The following PRXL2C variants were observed in gnomAD, a reference collection of about 807,000 sequenced individuals.
The protein encoded by PRXL2C is peroxiredoxin like 2C.
A neutral mutation model predicts 24.9 loss-of-function variants in PRXL2C; 38 were observed. The ratio of observed to expected loss-of-function variants is 1.53; its 90% confidence interval spans 1.18 to 2.00. The LOEUF (loss-of-function observed/expected upper bound fraction) is 2.00, where lower values mean the gene tolerates loss of function less well. Among genes scored for constraint, PRXL2C ranks in the 30% most tolerant of loss-of-function variants. The probability of loss-of-function intolerance (pLI) is 0.00; values close to 1 mark genes in which losing one functional copy is unlikely to be tolerated. For synonymous variants in PRXL2C, 98 were observed against 117.2 expected (o/e 0.84, Z 1.06); for missense variants, 294 against 290.9 (o/e 1.01, Z -0.08).
In PRXL2C at chr9:96,640,405, A is replaced by T. The variant is rs1026920381; in HGVS notation, c.*1354T>A. ...TATGGTGGCGGGTGCCTGTAATCCCAGCTACTTGGGAGGCTGAGGCAGAAT... is the reference window on the plus strand; with the variant it reads ...TATGGTGGCGGGTGCCTGTAATCCCTGCTACTTGGGAGGCTGAGGCAGAAT... On this transcript the variant is annotated 3_prime_UTR_variant, in exon 6 of 6. Coordinates refer to ENST00000375234, the MANE Select transcript of PRXL2C (RefSeq NM_153698.2). 6.7e-6 allele frequency: 1 copy of T among 150,038 alleles called. No homozygotes were observed. The highest frequency in any genetic ancestry group is 2.5e-5 in the African/African-American group (1 of 40,638). 9.3% of individuals were successfully genotyped at this position (150,038 alleles called of 1,614,324 possible).
In PRXL2C at chr9:96,654,687, C is replaced by T. The variant is rs770133967; in HGVS notation, c.261+18G>A. The T allele has an allele frequency of 6.4e-7, 1 of 1,554,656 alleles. No homozygotes were observed. Among genetic ancestry groups the T allele is most frequent in the South Asian group, 1.2e-5 (1 of 84,060 alleles). ...TCTGCAGAAGCGGGCACTGGGCCGC[C>T]CACGCTGGGAAACTCACTTGTAAGA... On this transcript the variant is annotated intron_variant, in intron 2 of 5. Transcript: ENST00000375234.
intron 4 of PRXL2C, among the ~76,000 whole-genome samples, chr9:96,647,937 T>C (rs1848217444): frequency 6.6e-6 from 1 of 152,072 alleles, no homozygotes; most frequent in African/African-American, 2.4e-5. Context: ...AGGGAGTCAA[T>C]CCGTCACCCA....
In PRXL2C at chr9:96,651,381, A is replaced by T; in HGVS notation, c.421+9T>A. 2 of 1,578,308 alleles carry T rather than the reference A, an allele frequency of 1.3e-6. No individual in the cohort carries two copies. Among genetic ancestry groups the T allele is most frequent in the Non-Finnish European group, 1.7e-6 (2 of 1,151,518 alleles). On this transcript the variant is annotated intron_variant, in intron 4 of 5. Coordinates refer to ENST00000375234, the MANE Select transcript of PRXL2C (RefSeq NM_153698.2). Reference sequence around the variant, plus strand: ...CAGTGTTTTCTATTTGAGACATGTTATGTCTTACCTGAGGAAGCAATTTCT... The same window carrying T: ...CAGTGTTTTCTATTTGAGACATGTTTTGTCTTACCTGAGGAAGCAATTTCT...
chr9:96,643,341 G>C (rs1848145053), intron 5 of PRXL2C, among the ~76,000 whole-genome samples: 1 of 152,140 alleles, frequency 6.6e-6, no homozygotes, highest in South Asian at 2.1e-4. Flanking sequence ...CCACTTCCCA[G>C]GTTCAAGCGA....
intron 2 of PRXL2C, among the ~76,000 whole-genome samples, chr9:96,653,813 A>G (rs1848308623): frequency 6.6e-6 from 1 of 151,802 alleles, no homozygotes; most frequent in Non-Finnish European, 1.5e-5. Context: ...CCCCAAAGAC[A>G]TTCTTTTTTA....
At chr9:96,645,523 C>T (rs960055825) in intron 5 of PRXL2C, among the ~76,000 whole-genome samples, 16 of 151,728 alleles carry the variant, frequency 1.1e-4, no homozygotes, top group East Asian at 5.9e-4. Flanking sequence ...CTGGGTGGGG[C>T]GCGGTGGCTC....
intron 4 of PRXL2C, among the ~76,000 whole-genome samples, chr9:96,651,024 C>T (rs1848257804): frequency 1.3e-5 from 2 of 152,184 alleles, no homozygotes; most frequent in South Asian, 4.1e-4. Flanking sequence ...GGTGCAGTGG[C>T]TCATGCCTAT....
chr9:96,654,936 C>T (rs1276939167), intron 1 of PRXL2C, 154 bp downstream of exon 1: 2 of 1,199,798 alleles, frequency 1.7e-6, no homozygotes, highest in Non-Finnish European at 2.2e-6. Context: ...CTCGCCCTCG[C>T]CCTCTCCCTG....
rs142232583 is a variant in PRXL2C, at chr9:96,647,636, C to T, written c.422-1612G>A. ...CTCCTGGGCTCAAGCGATCCTCCCC[C>T]GTCAGCTTCCTAAGTAGCTGCGACC... On this transcript the variant is annotated intron_variant, in intron 4 of 5. Transcript: ENST00000375234. Among the ~76,000 whole-genome samples, 433 of 151,982 alleles carry T rather than the reference C, an allele frequency of 2.8e-3. 4 individuals carry two copies. The highest frequency in any genetic ancestry group is 9.2e-3 in the African/African-American group (380 of 41,482).
intron 4 of PRXL2C, among the ~76,000 whole-genome samples, chr9:96,650,216 T>C (rs1848250168): frequency 6.6e-6 from 1 of 152,226 alleles, no homozygotes; most frequent in African/African-American, 2.4e-5. Context: ...GAGTAGATGA[T>C]GAGTCTGCAT....
At position 96,645,957 on chromosome 9, in the gene PRXL2C, A is replaced by C; in HGVS notation, c.489T>G (p.Thr163=). 1 of 1,613,906 alleles carries C rather than the reference A, an allele frequency of 6.2e-7. No homozygotes were observed. Among genetic ancestry groups the C allele is most frequent in the African/African-American group, 1.3e-5 (1 of 75,010 alleles). ...GSLQSLWRAV[T]GPLFDFQGDP... Reference sequence around the variant, plus strand: ...CTCCTTGAAAATCAAAGAGAGGGCCAGTCACTGCCCGCCACAGGCTCTGAA... The same window carrying C: ...CTCCTTGAAAATCAAAGAGAGGGCCCGTCACTGCCCGCCACAGGCTCTGAA... The change falls in exon 5 of 6, where the codon ACT becomes ACG. Residue 163 remains threonine (T), a synonymous_variant. Coordinates refer to ENST00000375234, the MANE Select transcript of PRXL2C (RefSeq NM_153698.2).
Position 96,655,286 on chromosome 9 carries a change from C to T in PRXL2C, c.-5G>A. 4.8e-6 allele frequency: 5 copies of T among 1,050,082 alleles called. No homozygotes were observed. The highest frequency in any genetic ancestry group is 5.7e-6 in the Non-Finnish European group (5 of 873,620). The allele number at this position is 1,050,082 out of a possible 1,614,324, so 65.0% of individuals were successfully genotyped here. On this transcript the variant is annotated 5_prime_UTR_variant, in exon 1 of 6. Transcript: ENST00000375234. ...GACCGGGGCCGGCGCGGCCATGACG[C>T]GGGGCGGCCGAGGGCCTGGGTCCGC...
chr9:96,645,823 GA>G, intron 5 of PRXL2C, 69 bp downstream of exon 5: 1 of 1,363,916 alleles, frequency 7.3e-7, no homozygotes, highest in Non-Finnish European at 9.8e-7. Context: ...GAAAAGAAAA[GA>G]AAATGGCGGC....
chr9:96,653,998 G>C (rs1278275411), intron 2 of PRXL2C, among the ~76,000 whole-genome samples: 1 of 152,074 alleles, frequency 6.6e-6, no homozygotes, highest in Non-Finnish European at 1.5e-5. Flanking sequence ...CCGCCACCAA[G>C]CCCGGGTAAT....
chr9:96,651,824 G>T, intron 2 of PRXL2C, 112 bp from the exon 3 acceptor site: 1 of 861,364 alleles, frequency 1.2e-6, no homozygotes, highest in Non-Finnish European at 1.8e-6. Context: ...TAGGCTTCTA[G>T]AGGAATGGAA....
chr9:96,641,851 T>C lies in PRXL2C; in HGVS notation c.589A>G (p.Arg197Gly). Residue 197 changes from arginine (R) to glycine (G), a missense_variant, in exon 6 of 6, where the codon AGG becomes GGG. Physicochemically the swap from Arg to Gly is moderately radical, Grantham distance 125 (BLOSUM62 -2). Transcript: ENST00000375234. ...GAGTTGATAGGTTTGTGATCCAACC[T>C]ATTCCTATCGCGGTGTATAAAATGG... ...NIHFIHRDRN[R>G]LDHKPINSVL... 1 of 1,540,794 alleles carries C rather than the reference T, an allele frequency of 6.5e-7. No homozygotes were observed. The highest frequency in any genetic ancestry group is 8.9e-7 in the Non-Finnish European group (1 of 1,129,686).
intron 4 of PRXL2C, among the ~76,000 whole-genome samples, chr9:96,649,138 G>C (rs566851715): frequency 6.6e-6 from 1 of 152,148 alleles, no homozygotes; most frequent in East Asian, 1.9e-4. Context: ...CATGAAAACT[G>C]TGTACCAAAA....
At position 96,655,209 on chromosome 9, in the gene PRXL2C, C is replaced by T. The variant is rs925471038; in HGVS notation, c.73G>A (p.Asp25Asn). The change falls in exon 1 of 6, where the codon GAC (aspartate) becomes AAC (asparagine). Residue 25 changes from aspartate to asparagine, a missense_variant. By Grantham distance (23) the Asp-to-Asn change is conservative (BLOSUM62 1). Transcript: ENST00000375234. ...AALVPAPSGP[D>N]SGQPLAAAVA... ...GCGGCCGCCAGGGGCTGCCCGCTGT[C>T]GGGGCCGCTCGGGGCCGGGACCAGG... The T allele has an allele frequency of 3.4e-6, 4 of 1,160,688 alleles. No homozygotes were observed. Among genetic ancestry groups the T allele is most frequent in the Non-Finnish European group, 4.2e-6 (4 of 944,086 alleles). The allele number at this position is 1,160,688 out of a possible 1,614,324, so 71.9% of individuals were successfully genotyped here. A position where few individuals can be genotyped will look rare whatever the true frequency, so the allele number is the denominator to read the frequency against.
At chr9:96,652,520 CA>C (rs1254621971) in intron 2 of PRXL2C, among the ~76,000 whole-genome samples, 3,827 of 56,384 alleles carry the variant, frequency 0.068, 131 homozygotes, top group African/African-American at 0.19. Flanking sequence ...GACTCCGCCT[CA>C]AAAAAAAAAA....
Sources: gnomAD v4.1 joint callset for allele counts (sites outside exome capture counted in the v4.1 genomes callset) on GRCh38, gnomAD v4.1.1 for gene constraint, MANE v1.5 for transcripts, NCBI Gene and HGNC (gene_info 2026-07-23, HGNC 2026-07-21) for gene names.